The following ZNF385D variants were observed in gnomAD, a reference collection of about 807,000 sequenced individuals.
ZNF385D encodes zinc finger protein 385D.
A neutral mutation model predicts 35.8 loss-of-function variants in ZNF385D; 15 were observed. The observed-to-expected ratio is 0.42, with a 90% CI of 0.28 to 0.64. ZNF385D has a LOEUF of 0.64. ZNF385D is among the 30% of genes least tolerant of loss of function. The pLI, the probability that ZNF385D is intolerant of heterozygous loss-of-function variation, is 0.23. For missense variants in ZNF385D, 474 were observed against 494.6 expected (o/e 0.96, Z 0.39); for synonymous variants, 212 against 186.8 (o/e 1.13, Z -1.10).
At chr3:21,916,676 A>C (rs1205988242) in intron 3 of ZNF385D, among the ~76,000 whole-genome samples, 1 of 152,258 alleles carries the variant, frequency 6.6e-6, no homozygotes, top group Non-Finnish European at 1.5e-5. Context: ...TCTCTACAAA[A>C]GACACTTGAA....
intron 4 of ZNF385D, among the ~76,000 whole-genome samples, chr3:21,492,244 A>T (rs1705475614): frequency 6.6e-6 from 1 of 152,116 alleles, no homozygotes; most frequent in African/African-American, 2.4e-5. Flanking sequence ...AGTAATGACA[A>T]ATATTCTTAA....
intron 3 of ZNF385D, among the ~76,000 whole-genome samples, chr3:21,938,261 CAGA>C: frequency 6.6e-6 from 1 of 152,254 alleles, no homozygotes; most frequent in South Asian, 2.1e-4. Context: ...CACAAGAACC[CAGA>C]AGAACGTTTT....
At chr3:22,343,581 G>C (rs1695520721) in intron 2 of ZNF385D, among the ~76,000 whole-genome samples, 1 of 137,326 alleles carries the variant, frequency 7.3e-6, no homozygotes, top group African/African-American at 2.8e-5. Context: ...CTGTGGTTTG[G>C]CCTTGGCCAT....
intron 3 of ZNF385D, among the ~76,000 whole-genome samples, chr3:21,819,790 AT>A (rs2073322275): frequency 6.8e-6 from 1 of 146,836 alleles, no homozygotes; most frequent in Admixed American, 6.8e-5. Flanking sequence ...TAAATATAAT[AT>A]ACATATATAC....
chr3:22,286,096 T>A (rs1702008440), intron 2 of ZNF385D, among the ~76,000 whole-genome samples: 1 of 152,142 alleles, frequency 6.6e-6, no homozygotes, highest in Non-Finnish European at 1.5e-5. Context: ...TACTCTAGTA[T>A]CTCTTAATAC....
chr3:21,442,876 T>C (rs932848153), intron 4 of ZNF385D, among the ~76,000 whole-genome samples: 2 of 114,240 alleles, frequency 1.8e-5, no homozygotes, highest in African/African-American at 6.8e-5. Flanking sequence ...TATGTGTATA[T>C]CTGTGTATAA....
chr3:22,102,997 T>C (rs768865215), intron 3 of ZNF385D, among the ~76,000 whole-genome samples: 28 of 150,292 alleles, frequency 1.9e-4, no homozygotes, highest in Admixed American at 7.3e-4. Context: ...TATTATATAC[T>C]GTATATATAT....
At chr3:21,446,859 G>A (rs1288608931) in intron 4 of ZNF385D, among the ~76,000 whole-genome samples, 3 of 152,050 alleles carry the variant, frequency 2.0e-5, no homozygotes, top group Non-Finnish European at 4.4e-5. Context: ...GACACATTCT[G>A]ATCTTTGGAG....
intron 3 of ZNF385D, among the ~76,000 whole-genome samples, chr3:22,022,544 C>T (rs901605945): frequency 6.6e-6 from 1 of 151,910 alleles, no homozygotes; most frequent in African/African-American, 2.4e-5. Flanking sequence ...CAAAGGAAAT[C>T]AAGAAAAAAG....
intron 2 of ZNF385D, among the ~76,000 whole-genome samples, chr3:21,626,809 G>C (rs2065146617): frequency 6.6e-6 from 1 of 152,014 alleles, no homozygotes; most frequent in Non-Finnish European, 1.5e-5. Flanking sequence ...GAACCAAGGA[G>C]AAAGAGCAGC....
chr3:21,698,020 C>T (rs2125370152), intron 1 of ZNF385D, among the ~76,000 whole-genome samples: 1 of 152,226 alleles, frequency 6.6e-6, no homozygotes, highest in East Asian at 1.9e-4. Context: ...AGTGCAACCT[C>T]TATGGAAAAC....
At chr3:22,174,012 C>T (rs1002026926) in intron 2 of ZNF385D, among the ~76,000 whole-genome samples, 1 of 114,796 alleles carries the variant, frequency 8.7e-6, no homozygotes, top group Non-Finnish European at 1.8e-5. Flanking sequence ...AGATTATAAG[C>T]CATTTACACA....
At chr3:21,946,661 G>C (rs999838670) in intron 3 of ZNF385D, among the ~76,000 whole-genome samples, 8 of 151,878 alleles carry the variant, frequency 5.3e-5, no homozygotes, top group African/African-American at 1.2e-4. Flanking sequence ...GTGAAACTCC[G>C]TCTCTATTAA....
At chr3:22,112,254 T>G (rs1173956902) in intron 3 of ZNF385D, among the ~76,000 whole-genome samples, 1 of 152,110 alleles carries the variant, frequency 6.6e-6, no homozygotes, top group Non-Finnish European at 1.5e-5. Flanking sequence ...TTTGCATGGA[T>G]TATAATGAGA....
At chr3:22,319,445 T>C (rs1704075794) in intron 2 of ZNF385D, among the ~76,000 whole-genome samples, 1 of 152,072 alleles carries the variant, frequency 6.6e-6, no homozygotes, top group Non-Finnish European at 1.5e-5. Context: ...ACAATTAATA[T>C]ACTTTTTTTA....
chr3:22,001,815 A>G (rs1695862511), intron 3 of ZNF385D, among the ~76,000 whole-genome samples: 1 of 152,122 alleles, frequency 6.6e-6, no homozygotes, highest in African/African-American at 2.4e-5. Flanking sequence ...TGAAAACTAT[A>G]TAAATGAAAA....
chr3:21,818,638 G>T (rs71310288), intron 3 of ZNF385D, among the ~76,000 whole-genome samples: 14 of 151,948 alleles, frequency 9.2e-5, no homozygotes, highest in African/African-American at 3.4e-4. Context: ...ATGAGAAAGG[G>T]TAATAAGATA....
At position 21,418,890 on chromosome 3, in the gene ZNF385D, C is replaced by T. The variant is rs1263751108; in HGVS notation, c.*2324G>A. The T allele has an allele frequency of 1.3e-5, 2 of 152,094 alleles. No homozygotes were observed. Among genetic ancestry groups the T allele is most frequent in the East Asian group, 3.9e-4 (2 of 5,174 alleles). The allele number at this position is 152,094 out of a possible 1,614,324, so 9.4% of individuals were successfully genotyped here. A position where few individuals can be genotyped will look rare whatever the true frequency, so the allele number is the denominator to read the frequency against. ...AAGTTCAAAATGGTTAGAAGCTGGT[C>T]ACATGGGATACAGACAGAGCCCCAA... On this transcript the variant is annotated 3_prime_UTR_variant, in exon 8 of 8. Coordinates refer to ENST00000281523, the MANE Select transcript of ZNF385D (RefSeq NM_024697.3).
At chr3:21,988,478 C>T (rs1351470063) in intron 3 of ZNF385D, among the ~76,000 whole-genome samples, 3 of 140,152 alleles carry the variant, frequency 2.1e-5, no homozygotes, top group African/African-American at 7.5e-5. Flanking sequence ...AGTTAGGCTG[C>T]TCGGGGGTCA....
Sources: gnomAD v4.1 joint callset for allele counts (sites outside exome capture counted in the v4.1 genomes callset) on GRCh38, gnomAD v4.1.1 for gene constraint, MANE v1.5 for transcripts, NCBI Gene and HGNC (gene_info 2026-07-23, HGNC 2026-07-21) for gene names.